Variants in TCF12 observed in about 807,000 individuals in gnomAD.
TCF12 encodes the protein transcription factor 12.
TCF12 carries 45 observed loss-of-function variants against 86.0 expected under a neutral mutation model. The observed-to-expected ratio is 0.52, with a 90% CI of 0.41 to 0.67. The LOEUF (loss-of-function observed/expected upper bound fraction) is 0.67. Ranked by LOEUF, TCF12 falls within the 30% of genes least tolerant of loss-of-function variation. TCF12 has a pLI of 0.00. For missense variants in TCF12, 881 were observed against 859.9 expected, an observed-to-expected ratio of 1.02 and a Z score of -0.31; for synonymous variants, 330 against 299.6, an observed-to-expected ratio of 1.10 and a Z score of -1.05.
rs183426889 is a variant in TCF12, at chr15:57,280,019, G to A, written c.1979-2426G>A. Among the ~76,000 whole-genome samples the A allele has an allele frequency of 2.5e-4, 37 of 150,372 alleles. No homozygotes were observed. In the East Asian group the frequency reaches 6.3e-3, roughly 26 times the overall value. On this transcript the variant is annotated intron_variant, in intron 19 of 20. Transcript: ENST00000333725. The stretch of plus-strand genomic sequence containing the variant: ...AGTGATTCTCCTGTCTCAGCCTCCC[G>A]AGTAGCTGAGATTATAGGCACCCGC...
intron 6 of TCF12, among the ~76,000 whole-genome samples, chr15:57,186,005 A>G (rs1483051027): frequency 1.3e-5 from 2 of 152,248 alleles, no homozygotes; most frequent in Non-Finnish European, 2.9e-5. Flanking sequence ...GGACATTACT[A>G]CTGACTTTAT....
At chr15:57,096,237 A>C (rs370937627) in intron 5 of TCF12, among the ~76,000 whole-genome samples, 1 of 152,164 alleles carries the variant, frequency 6.6e-6, no homozygotes, top group East Asian at 1.9e-4. Flanking sequence ...TGTACTTTGG[A>C]ATGTTAAAGA....
At chr15:56,930,651 A>G (rs2140260822) in intron 3 of TCF12, among the ~76,000 whole-genome samples, 1 of 152,304 alleles carries the variant, frequency 6.6e-6, no homozygotes, top group East Asian at 1.9e-4. Flanking sequence ...AATTAGAGGC[A>G]TTGCAAGACT....
intron 3 of TCF12, among the ~76,000 whole-genome samples, chr15:56,992,256 G>A (rs1000105488): frequency 1.3e-5 from 2 of 152,188 alleles, no homozygotes; most frequent in African/African-American, 2.4e-5. Context: ...GGGTGACAGA[G>A]TGAGACCCTG....
chr15:56,933,962 A>G (rs546282177), intron 3 of TCF12, among the ~76,000 whole-genome samples: 1 of 152,184 alleles, frequency 6.6e-6, no homozygotes, highest in Non-Finnish European at 1.5e-5. Flanking sequence ...ATAATTCATC[A>G]GAATGTCAGA....
intron 8 of TCF12, among the ~76,000 whole-genome samples, chr15:57,201,823 T>C (rs1393038064): frequency 2.6e-5 from 4 of 152,192 alleles, no homozygotes; most frequent in African/African-American, 9.7e-5. Flanking sequence ...CCAACTCTTG[T>C]CTTTGTTCTT....
chr15:57,074,312 T>C (rs2069684141), intron 4 of TCF12, among the ~76,000 whole-genome samples: 1 of 150,012 alleles, frequency 6.7e-6, no homozygotes, highest in Non-Finnish European at 1.5e-5. Flanking sequence ...AATCTATACA[T>C]TGTTCTTCTT....
chr15:57,017,419 T>C (rs764423892), intron 3 of TCF12, among the ~76,000 whole-genome samples: 38 of 152,222 alleles, frequency 2.5e-4, no homozygotes, highest in Non-Finnish European at 5.9e-5. Context: ...CACCAATATT[T>C]ATTGGTATTG....
intron 4 of TCF12, among the ~76,000 whole-genome samples, chr15:57,065,848 A>G (rs2068830638): frequency 6.6e-6 from 1 of 152,142 alleles, no homozygotes; most frequent in African/African-American, 2.4e-5. Flanking sequence ...TACAGTGAAA[A>G]GTTAAATTGA....
chr15:57,058,594 A>G (rs2068209211), intron 3 of TCF12, among the ~76,000 whole-genome samples: 1 of 152,186 alleles, frequency 6.6e-6, no homozygotes, highest in Non-Finnish European at 1.5e-5. Context: ...TGTGTTTTTT[A>G]GACTGTTTTA....
intron 3 of TCF12, among the ~76,000 whole-genome samples, chr15:56,971,287 G>A (rs2062303598): frequency 6.6e-6 from 1 of 152,062 alleles, no homozygotes. Context: ...AATTAGCTGG[G>A]CGTGGTAGTG....
chr15:57,128,874 T>G (rs1444794731), intron 5 of TCF12, among the ~76,000 whole-genome samples: 3 of 152,272 alleles, frequency 2.0e-5, no homozygotes, highest in African/African-American at 7.2e-5. Flanking sequence ...TTCATTTCTT[T>G]TTATAGCTGA....
intron 3 of TCF12, among the ~76,000 whole-genome samples, chr15:57,011,493 T>TG (rs1303527193): frequency 2.0e-5 from 3 of 152,162 alleles, no homozygotes; most frequent in Non-Finnish European, 4.4e-5. Flanking sequence ...AAACCTCTGT[T>TG]CTTTGTAAAT....
chr15:57,099,822 A>C (rs2049597670), intron 5 of TCF12, among the ~76,000 whole-genome samples: 1 of 151,968 alleles, frequency 6.6e-6, no homozygotes, highest in South Asian at 2.1e-4. Flanking sequence ...CAAAGCAATC[A>C]ACTGTGGCTT....
At chr15:57,241,530 G>A (rs1421545586) in intron 12 of TCF12, among the ~76,000 whole-genome samples, 4 of 152,146 alleles carry the variant, frequency 2.6e-5, no homozygotes, top group Non-Finnish European at 4.4e-5. Flanking sequence ...AGTATACAGT[G>A]TCTAGATCCT....
chr15:57,170,766 T>TA (rs2055398966), intron 6 of TCF12, among the ~76,000 whole-genome samples: 1 of 15,118 alleles, frequency 6.6e-5, no homozygotes, highest in African/African-American at 2.7e-4. Flanking sequence ...ATATTATATA[T>TA]ATATTATATA....
intron 3 of TCF12, among the ~76,000 whole-genome samples, chr15:57,014,631 G>A (rs375955498): frequency 6.6e-6 from 1 of 152,026 alleles, no homozygotes; most frequent in Non-Finnish European, 1.5e-5. Context: ...TCTCTCAGAG[G>A]TTGCCACAGG....
intron 3 of TCF12, among the ~76,000 whole-genome samples, chr15:56,940,751 C>T (rs2060727367): frequency 1.4e-5 from 1 of 72,520 alleles, no homozygotes. Flanking sequence ...TCTCCTCCTT[C>T]TCCTTCTCCT....
At chr15:57,195,504 AT>A (rs1478277711) in intron 7 of TCF12, among the ~76,000 whole-genome samples, 2 of 152,230 alleles carry the variant, frequency 1.3e-5, no homozygotes, top group African/African-American at 4.8e-5. Context: ...TTGGGGTTTT[AT>A]AAATACAGAG....
Sources: gnomAD v4.1 joint callset for allele counts (sites outside exome capture counted in the v4.1 genomes callset) on GRCh38, gnomAD v4.1.1 for gene constraint, MANE v1.5 for transcripts, NCBI Gene and HGNC (gene_info 2026-07-23, HGNC 2026-07-21) for gene names.